ATP10A: variants seen among roughly 807,000 people sequenced by gnomAD.
The protein encoded by ATP10A is phospholipid-transporting ATPase VA.
ATP10A carries 111 observed loss-of-function variants against 147.8 expected under a neutral mutation model. That is an observed-to-expected ratio of 0.75 (90% confidence interval 0.64 to 0.88). The LOEUF is 0.88. Ranked by LOEUF, ATP10A falls within the 40% of genes least tolerant of loss-of-function variation. ATP10A has a pLI of 0.00. For missense variants in ATP10A, 1,927 were observed against 1,959.0 expected (o/e 0.98, Z 0.31); for synonymous variants, 875 against 841.6 (o/e 1.04, Z -0.69).
intron 1 of ATP10A, among the ~76,000 whole-genome samples, chr15:25,829,599 C>T (rs1374919770): frequency 6.6e-6 from 1 of 152,062 alleles, no homozygotes; most frequent in African/African-American, 2.4e-5. Context: ...GTGGGTCAGA[C>T]TGTAGTAAGA....
At chr15:25,777,311 C>T (rs1596866728) in intron 2 of ATP10A, among the ~76,000 whole-genome samples, 1 of 152,128 alleles carries the variant, frequency 6.6e-6, no homozygotes, top group African/African-American at 2.4e-5. Flanking sequence ...AGAGCTGTCA[C>T]CAGTCTTCAT....
Position 25,723,845 on chromosome 15 carries a change from C to T in ATP10A, c.1110+46G>A, listed in dbSNP as rs565730914. On this transcript the variant is annotated intron_variant, in intron 6 of 20. Transcript: ENST00000555815. The stretch of plus-strand genomic sequence containing the variant: ...ACAGAGTATGATGATTTTAAGTTCT[C>T]TTCATAAAAGTAAAGCAATTATTGT... 59 of 1,480,292 alleles carry T rather than the reference C, an allele frequency of 4.0e-5. No individual in the cohort carries two copies. The East Asian group carries it at 1.1e-3, about 28-fold the overall frequency. The allele number at this position is 1,480,292 out of a possible 1,614,324, so 91.7% of individuals were successfully genotyped here.
intron 3 of ATP10A, among the ~76,000 whole-genome samples, chr15:25,733,797 A>G (rs1567342587): frequency 1.3e-5 from 2 of 152,210 alleles, no homozygotes; most frequent in Non-Finnish European, 2.9e-5. Flanking sequence ...ACAACACGAC[A>G]TGACTGAGGG....
At chr15:25,781,951 C>T (rs1378736836) in intron 1 of ATP10A, among the ~76,000 whole-genome samples, 1 of 152,128 alleles carries the variant, frequency 6.6e-6, no homozygotes, top group African/African-American at 2.4e-5. Context: ...AATGACCATT[C>T]CTAGGTCTAC....
At chr15:25,862,559 C>T in intron 1 of ATP10A, 89 bp downstream of exon 1, 1 of 1,360,786 alleles carries the variant, frequency 7.3e-7, no homozygotes, top group Non-Finnish European at 9.8e-7. Flanking sequence ...AAGCACCCAG[C>T]CCCTGCCAAT....
At chr15:25,853,733 T>C (rs1317881202) in intron 1 of ATP10A, among the ~76,000 whole-genome samples, 1 of 151,882 alleles carries the variant, frequency 6.6e-6, no homozygotes, top group African/African-American at 2.4e-5. Context: ...GGCCATGGCA[T>C]AGCACCCAGG....
chr15:25,682,890 A>G (rs1212968127), intron 17 of ATP10A, among the ~76,000 whole-genome samples: 3 of 152,240 alleles, frequency 2.0e-5, no homozygotes, highest in Non-Finnish European at 2.9e-5. Context: ...TAATGCCAGT[A>G]TGTATTTAAA....
chr15:25,816,287 C>T (rs1171852570), intron 1 of ATP10A, among the ~76,000 whole-genome samples: 1 of 151,492 alleles, frequency 6.6e-6, no homozygotes, highest in African/African-American at 2.4e-5. Flanking sequence ...TGGTCTCAAA[C>T]TTCTGGCCTC....
At chr15:25,791,167 G>C (rs1351723598) in intron 1 of ATP10A, among the ~76,000 whole-genome samples, 1 of 141,554 alleles carries the variant, frequency 7.1e-6, no homozygotes, top group African/African-American at 2.6e-5. Context: ...TGCAACCTCC[G>C]GCTTCTGGGT....
chr15:25,712,861 A>G (rs539705902), intron 10 of ATP10A, among the ~76,000 whole-genome samples: 5 of 152,214 alleles, frequency 3.3e-5, no homozygotes, highest in African/African-American at 7.2e-5. Flanking sequence ...CTCCCATCCA[A>G]TTCTCCATCA....
chr15:25,793,097 C>A (rs1398590949), intron 1 of ATP10A, among the ~76,000 whole-genome samples: 1 of 152,064 alleles, frequency 6.6e-6, no homozygotes, highest in Non-Finnish European at 1.5e-5. Flanking sequence ...TCTCGAACTC[C>A]CGACCTCAGG....
At chr15:25,676,171 G>C (rs938570534), downstream of ATP10A, among the ~76,000 whole-genome samples, 2 of 152,160 alleles carry the variant, frequency 1.3e-5, no homozygotes, top group Non-Finnish European at 2.9e-5. Flanking sequence ...ATTTTCAGTA[G>C]AGATGCGAGG....
intron 1 of ATP10A, among the ~76,000 whole-genome samples, chr15:25,818,264 T>C (rs1364566817): frequency 1.1e-4 from 16 of 152,162 alleles, no homozygotes. Context: ...ATGCAAACTA[T>C]GTAAAAGTCA....
At chr15:25,680,382 C>T in intron 19 of ATP10A, 74 bp from the exon 20 acceptor site, 2 of 1,480,916 alleles carry the variant, frequency 1.4e-6, no homozygotes, top group Non-Finnish European at 1.9e-6. Flanking sequence ...CAAAAACGTG[C>T]CAGTCATCAA....
At chr15:25,800,091 C>A (rs1371852323) in intron 1 of ATP10A, among the ~76,000 whole-genome samples, 1 of 152,190 alleles carries the variant, frequency 6.6e-6, no homozygotes, top group African/African-American at 2.4e-5. Flanking sequence ...GAGGAGCTCA[C>A]ATCAAGTGCA....
chr15:25,822,883 A>G (rs1213243840), intron 1 of ATP10A, among the ~76,000 whole-genome samples: 2 of 152,344 alleles, frequency 1.3e-5, no homozygotes, highest in East Asian at 3.9e-4. Flanking sequence ...AAAACAAGCT[A>G]GATTCCTATG....
At chr15:25,707,455 G>C (rs1446224988) in intron 12 of ATP10A, among the ~76,000 whole-genome samples, 1 of 152,166 alleles carries the variant, frequency 6.6e-6, no homozygotes, top group Non-Finnish European at 1.5e-5. Context: ...AAGTATTAAA[G>C]TAAGCATTAA....
At chr15:25,748,511 T>C (rs1299734672) in intron 2 of ATP10A, among the ~76,000 whole-genome samples, 1 of 152,178 alleles carries the variant, frequency 6.6e-6, no homozygotes, top group Non-Finnish European at 1.5e-5. Context: ...TAAGGGCTAT[T>C]CACCAATATC....
intron 1 of ATP10A, chr15:25,841,718 T>C (rs1892822635): frequency 6.6e-6 from 1 of 152,246 alleles, no homozygotes; most frequent in South Asian, 2.1e-4. Flanking sequence ...TATTCAGATG[T>C]TCCTTGATAT....
Sources: gnomAD v4.1 joint callset for allele counts (sites outside exome capture counted in the v4.1 genomes callset) on GRCh38, gnomAD v4.1.1 for gene constraint, MANE v1.5 for transcripts, NCBI Gene and HGNC (gene_info 2026-07-23, HGNC 2026-07-21) for gene names.